CD59: variants seen among roughly 807,000 people sequenced by gnomAD.
CD59 encodes CD59 glycoprotein.
In CD59, 3 loss-of-function variants were observed where a neutral mutation model predicts 7.0. The observed-to-expected ratio is 0.43, with a 90% CI of 0.19 to 1.10. The LOEUF (loss-of-function observed/expected upper bound fraction) is 1.10. CD59 is among the 50% of genes least tolerant of loss of function. CD59 has a pLI of 0.29. For synonymous variants in CD59, 60 were observed against 62.0 expected (o/e 0.97, Z 0.15); for missense variants, 143 against 151.0 (o/e 0.95, Z 0.28).
At chr11:33,722,941 A>C in intron 1 of CD59, 1 of 1,081,812 alleles carries the variant, frequency 9.2e-7, no homozygotes, top group South Asian at 2.9e-5. Flanking sequence ...TCCTCACTGT[A>C]AGAAGTATAA....
At chr11:33,726,241 C>T (rs1343598019) in intron 1 of CD59, among the ~76,000 whole-genome samples, 2 of 152,156 alleles carry the variant, frequency 1.3e-5, no homozygotes, top group Admixed American at 6.5e-5. Context: ...TTCTTAGCAC[C>T]GCATGGTAAT....
intron 1 of CD59, among the ~76,000 whole-genome samples, chr11:33,723,896 T>C (rs560625460): frequency 3.3e-5 from 5 of 152,218 alleles, no homozygotes; most frequent in Non-Finnish European, 7.4e-5. Context: ...AAGCATAGCA[T>C]GATCGGAGCC....
At chr11:33,729,727 T>C (rs989979770) in intron 1 of CD59, among the ~76,000 whole-genome samples, 1 of 151,994 alleles carries the variant, frequency 6.6e-6, no homozygotes, top group Non-Finnish European at 1.5e-5. Flanking sequence ...GCACTTCTTA[T>C]CAAGTTCCTG....
At position 33,708,780 on chromosome 11, in the gene CD59, A is replaced by G. The variant is rs1241002486; in HGVS notation, c.*1346T>C. The G allele has an allele frequency of 6.6e-6, 1 of 152,212 alleles. No homozygotes were observed. The highest frequency in any genetic ancestry group is 1.5e-5 in the Non-Finnish European group (1 of 68,048). The allele number at this position is 152,212 out of a possible 1,614,324, so 9.4% of individuals were successfully genotyped here. A position where few individuals can be genotyped will look rare whatever the true frequency, so the allele number is the denominator to read the frequency against. ...TGTCTTCTTTCAGTTGCTACCATTAAGCATACTGCATATCCTTTTCGGCCA... is the reference window on the plus strand; with the variant it reads ...TGTCTTCTTTCAGTTGCTACCATTAGGCATACTGCATATCCTTTTCGGCCA... On this transcript the variant is annotated 3_prime_UTR_variant, in exon 4 of 4. Transcript: ENST00000642928.
At position 33,725,301 on chromosome 11, in the gene CD59, A is replaced by G. The variant is rs527489800; in HGVS notation, c.-18-2838T>C. On this transcript the variant is annotated intron_variant, in intron 1 of 3. Coordinates refer to ENST00000642928, the MANE Select transcript of CD59 (RefSeq NM_000611.6). ...CATTTTAAGGAAAAAAAAAAAAAAAAAAGAAGATGCCCATAAGTTAAGTGT... is the reference window on the plus strand; with the variant it reads ...CATTTTAAGGAAAAAAAAAAAAAAAGAAGAAGATGCCCATAAGTTAAGTGT... Among the ~76,000 whole-genome samples the G allele has an allele frequency of 1.6e-4, 24 of 152,092 alleles. No homozygotes were observed. In the South Asian group the frequency reaches 2.5e-3, roughly 16 times the overall value.
At chr11:33,726,982 C>T (rs991833907) in intron 1 of CD59, among the ~76,000 whole-genome samples, 2 of 152,116 alleles carry the variant, frequency 1.3e-5, no homozygotes, top group South Asian at 4.1e-4. Context: ...AGGAAGAAGT[C>T]GAATCTCTGA....
chr11:33,728,709 G>T (rs956029107), intron 1 of CD59, among the ~76,000 whole-genome samples: 8 of 152,166 alleles, frequency 5.3e-5, no homozygotes, highest in Admixed American at 6.5e-5. Context: ...CACAGCAAAA[G>T]AAACTGTCAG....
At position 33,703,778 on chromosome 11, in the gene CD59, G is replaced by C. The variant is rs1853194340; in HGVS notation, c.*6348C>G. 6.6e-6 allele frequency: 1 copy of C among 152,214 alleles called. No individual in the cohort carries two copies. Among genetic ancestry groups the C allele is most frequent in the African/African-American group, 2.4e-5 (1 of 41,436 alleles). 9.4% of individuals were successfully genotyped at this position (152,214 alleles called of 1,614,324 possible). On this transcript the variant is annotated 3_prime_UTR_variant, in exon 4 of 4. Coordinates refer to ENST00000642928, the MANE Select transcript of CD59 (RefSeq NM_000611.6). ...CACCTATCGGGGCAGTCATTGTTCC[G>C]CTGTCAGGAGGAGAGGGGCCAGAAG...
intron 1 of CD59, among the ~76,000 whole-genome samples, chr11:33,724,463 C>A (rs563175035): frequency 6.6e-6 from 1 of 152,350 alleles, no homozygotes; most frequent in South Asian, 2.1e-4. Context: ...GTGTTAACCT[C>A]TGATCACGCT....
At chr11:33,727,054 T>G (rs1209293194) in intron 1 of CD59, among the ~76,000 whole-genome samples, 1 of 152,048 alleles carries the variant, frequency 6.6e-6, no homozygotes, top group African/African-American at 2.4e-5. Context: ...CCAAAAAAAG[T>G]CCAGGACCAG....
In CD59 at chr11:33,703,319, G is replaced by A. The variant is rs1853172383; in HGVS notation, c.*6807C>T. On this transcript the variant is annotated 3_prime_UTR_variant, in exon 4 of 4. Transcript: ENST00000642928. ...CCCTATGAGGTAATAATAAACCCACGAGGTTAAGGCAAAACCCTACGGTTG... is the reference window on the plus strand; with the variant it reads ...CCCTATGAGGTAATAATAAACCCACAAGGTTAAGGCAAAACCCTACGGTTG... 1 of 152,126 alleles carries A rather than the reference G, an allele frequency of 6.6e-6. No homozygotes were observed. The highest frequency in any genetic ancestry group is 2.1e-4 in the South Asian group (1 of 4,828). The allele number at this position is 152,126 out of a possible 1,614,324, so 9.4% of individuals were successfully genotyped here. A position where few individuals can be genotyped will look rare whatever the true frequency, so the allele number is the denominator to read the frequency against.
chr11:33,722,777 T>C (rs917278273), intron 1 of CD59: 36 of 1,048,374 alleles, frequency 3.4e-5, no homozygotes, highest in Non-Finnish European at 4.4e-5. Flanking sequence ...CCCACTCTAC[T>C]GGCCCCACCC....
chr11:33,725,285 GAAA>G (rs35899420), intron 1 of CD59, among the ~76,000 whole-genome samples: 2 of 86,466 alleles, frequency 2.3e-5, no homozygotes, highest in Non-Finnish European at 5.0e-5. Context: ...CCATTTTAAG[GAAA>G]AAAAAAAAAA....
At chr11:33,721,338 C>T (rs889105850) in intron 2 of CD59, among the ~76,000 whole-genome samples, 2 of 152,128 alleles carry the variant, frequency 1.3e-5, no homozygotes, top group Non-Finnish European at 2.9e-5. Context: ...ACCGACCTCC[C>T]GGAATGGCTG....
intron 1 of CD59, among the ~76,000 whole-genome samples, chr11:33,731,698 A>G (rs1036854981): frequency 2.0e-5 from 3 of 152,248 alleles, no homozygotes; most frequent in Non-Finnish European, 2.9e-5. Context: ...GTGACCTGGC[A>G]TAAGGGCCAG....
chr11:33,733,504 C>T (rs1277034598), intron 1 of CD59: 1 of 152,174 alleles, frequency 6.6e-6, no homozygotes, highest in Non-Finnish European at 1.5e-5. Flanking sequence ...CCTGTAATCC[C>T]AGCTACTTGA....
At chr11:33,722,649 C>G (rs541951217) in intron 1 of CD59, 186 bp from the exon 2 acceptor site, 2 of 1,444,542 alleles carry the variant, frequency 1.4e-6, no homozygotes, top group Admixed American at 4.3e-5. Context: ...TGAGTAGGCT[C>G]AGTCCCTATA....
At chr11:33,727,421 C>A (rs1433213217) in intron 1 of CD59, among the ~76,000 whole-genome samples, 1 of 152,186 alleles carries the variant, frequency 6.6e-6, no homozygotes, top group East Asian at 1.9e-4. Context: ...ACGACAAAAA[C>A]CACATGATTA....
rs1853188804 is a variant in CD59 at position 33,703,656 on chromosome 11, C to A, written c.*6470G>T. 1 of 152,184 alleles carries A rather than the reference C, an allele frequency of 6.6e-6. No homozygotes were observed. The highest frequency in any genetic ancestry group is 2.4e-5 in the African/African-American group (1 of 41,440). 9.4% of individuals were successfully genotyped at this position (152,184 alleles called of 1,614,324 possible). A position where few individuals can be genotyped will look rare whatever the true frequency, so the allele number is the denominator to read the frequency against. On this transcript the variant is annotated 3_prime_UTR_variant, in exon 4 of 4. Coordinates refer to ENST00000642928, the MANE Select transcript of CD59 (RefSeq NM_000611.6). ...TACCTTAAGCTTACCCAGCGTGAGG[C>A]CAGGTTAGAAAGTCACAGGCCTTGG... is the stretch of plus-strand genomic sequence containing the variant.
Sources: allele counts gnomAD v4.1 joint callset (sites outside exome capture counted in the v4.1 genomes callset), GRCh38; gene constraint gnomAD v4.1.1; transcripts MANE v1.5; gene names NCBI Gene and HGNC (gene_info 2026-07-23, HGNC 2026-07-21).